The following SCAMP1 variants were observed in gnomAD, a reference collection of about 807,000 sequenced individuals.
SCAMP1 encodes the protein secretory carrier-associated membrane protein 1.
SCAMP1 carries 15 observed loss-of-function variants against 41.8 expected under a neutral mutation model. The ratio of observed to expected loss-of-function variants is 0.36; its 90% CI spans 0.24 to 0.55. The LOEUF (loss-of-function observed/expected upper bound fraction) is 0.55, where lower values mean the gene tolerates loss of function less well. Among genes scored for constraint, SCAMP1 ranks in the 20% least tolerant of loss-of-function variants. SCAMP1 has a pLI of 0.86. For missense variants in SCAMP1, 341 were observed against 412.6 expected, an observed-to-expected ratio of 0.83 and a Z score of 1.50; for synonymous variants, 135 against 136.8, an observed-to-expected ratio of 0.99 and a Z score of 0.09.
intron 1 of SCAMP1, among the ~76,000 whole-genome samples, chr5:78,371,301 T>G (rs919523612): frequency 6.6e-6 from 1 of 152,198 alleles, no homozygotes; most frequent in Admixed American, 6.5e-5. Context: ...AGCTGTTGAA[T>G]TTAGGTCTAT....
In SCAMP1 at chr5:78,415,481, C is replaced by T. The variant is rs769981425; in HGVS notation, c.136-39C>T. 1.3e-5 allele frequency: 16 copies of T among 1,236,018 alleles called. No individual in the cohort carries two copies. The South Asian group carries it at 1.9e-4, about 15-fold the overall frequency. The allele number at this position is 1,236,018 out of a possible 1,614,324, so 76.6% of individuals were successfully genotyped here. A position where few individuals can be genotyped will look rare whatever the true frequency, so the allele number is the denominator to read the frequency against. On this transcript the variant is annotated intron_variant, in intron 2 of 8. Coordinates refer to ENST00000621999, the MANE Select transcript of SCAMP1 (RefSeq NM_004866.6). ...TTTTTGAAAGAAGTTAAAGTTGGAT[C>T]TCTGTGTTACATAATTTTCCTTCTC...
At chr5:78,388,472 A>G (rs1254250606) in intron 1 of SCAMP1, among the ~76,000 whole-genome samples, 1 of 152,210 alleles carries the variant, frequency 6.6e-6, no homozygotes, top group Non-Finnish European at 1.5e-5. Flanking sequence ...AGCTGTTATA[A>G]AAAGGGGGAA....
chr5:78,361,485 G>A (rs1179687976), intron 1 of SCAMP1, among the ~76,000 whole-genome samples: 3 of 152,326 alleles, frequency 2.0e-5, no homozygotes, highest in Admixed American at 1.3e-4. Flanking sequence ...TCTGGGCTAT[G>A]TGAGGATACC....
chr5:78,412,200 G>A (rs1164718059), intron 2 of SCAMP1, among the ~76,000 whole-genome samples: 1 of 151,840 alleles, frequency 6.6e-6, no homozygotes, highest in Non-Finnish European at 1.5e-5. Flanking sequence ...GATTATGAAT[G>A]CTTTATATCA....
At chr5:78,426,125 C>T (rs1206948474) in intron 6 of SCAMP1, among the ~76,000 whole-genome samples, 1 of 152,172 alleles carries the variant, frequency 6.6e-6, no homozygotes, top group African/African-American at 2.4e-5. Flanking sequence ...GACATGAACT[C>T]ATTTCTTTTT....
chr5:78,431,609 C>G (rs565853760), intron 6 of SCAMP1, among the ~76,000 whole-genome samples: 1 of 116,284 alleles, frequency 8.6e-6, no homozygotes, highest in African/African-American at 3.4e-5. Context: ...TTATTTATAT[C>G]TCTTAAAACT....
intron 2 of SCAMP1, among the ~76,000 whole-genome samples, chr5:78,391,697 C>T (rs201577780): frequency 3.3e-5 from 5 of 152,158 alleles, no homozygotes; most frequent in African/African-American, 4.8e-5. Flanking sequence ...ATCACGCCAC[C>T]GCACTCCAGC....
chr5:78,435,424 G>A (rs376498399), intron 6 of SCAMP1, among the ~76,000 whole-genome samples: 6 of 152,068 alleles, frequency 3.9e-5, no homozygotes, highest in African/African-American at 7.2e-5. Flanking sequence ...CCCGCCCTGC[G>A]TCCAAGGGTT....
chr5:78,397,377 TAGA>T (rs1751678817), intron 2 of SCAMP1, among the ~76,000 whole-genome samples: 1 of 152,156 alleles, frequency 6.6e-6, no homozygotes, highest in Admixed American at 6.5e-5. Flanking sequence ...ATACAACTCT[TAGA>T]AGAAGACATA....
At chr5:78,375,278 A>C (rs1249637745) in intron 1 of SCAMP1, among the ~76,000 whole-genome samples, 1 of 152,118 alleles carries the variant, frequency 6.6e-6, no homozygotes, top group Non-Finnish European at 1.5e-5. Context: ...TTTGAACATA[A>C]ATTTCTTTAT....
rs1754081126 is a variant in SCAMP1, at chr5:78,479,434, T to C, written c.*3766T>C. On this transcript the variant is annotated 3_prime_UTR_variant, in exon 9 of 9. Transcript: ENST00000621999. ...TTTTTTATTGAGCTAAAAAGTTTTA[T>C]CTCACATATTAAGTATTACAGAAAG... Among the ~76,000 whole-genome samples, 1 of 152,242 alleles carries C rather than the reference T, an allele frequency of 6.6e-6. No individual in the cohort carries two copies. The highest frequency in any genetic ancestry group is 6.5e-5 in the Admixed American group (1 of 15,282).
intron 1 of SCAMP1, 67 bp downstream of exon 1, chr5:78,360,795 C>T: frequency 6.8e-7 from 1 of 1,474,572 alleles, no homozygotes; most frequent in Non-Finnish European, 9.3e-7. Flanking sequence ...GGACGAGTTC[C>T]TTCGCGCCCA....
chr5:78,404,706 T>C (rs1182732679), intron 2 of SCAMP1, among the ~76,000 whole-genome samples: 9 of 152,176 alleles, frequency 5.9e-5, no homozygotes, highest in Non-Finnish European at 8.8e-5. Context: ...AGTTAGGCTC[T>C]GATAAGCCCC....
intron 2 of SCAMP1, among the ~76,000 whole-genome samples, chr5:78,408,261 G>T (rs6453385): frequency 6.6e-6 from 1 of 152,094 alleles, no homozygotes; most frequent in Non-Finnish European, 1.5e-5. Context: ...TGTAGGGGAA[G>T]TCCCCTTTAT....
In SCAMP1 at chr5:78,367,706, A is replaced by G. The variant is rs555053256; in HGVS notation, c.57+6978A>G. Among the ~76,000 whole-genome samples the G allele has an allele frequency of 2.6e-5, 4 of 152,350 alleles. No individual in the cohort carries two copies. The South Asian group carries it at 8.3e-4, about 32-fold the overall frequency. On this transcript the variant is annotated intron_variant, in intron 1 of 8. Transcript: ENST00000621999. ...AGACCTATGATCTGAAGATACACCT[A>G]GTATAAAATGGCGAGGTAGTCGTAG...
At chr5:78,381,061 C>T (rs913225478) in intron 1 of SCAMP1, among the ~76,000 whole-genome samples, 4 of 139,948 alleles carry the variant, frequency 2.9e-5, no homozygotes, top group Admixed American at 2.1e-4. Context: ...AGCAAGACTC[C>T]GTCTCAAAAA....
rs2112264226 is a variant in SCAMP1 at position 78,477,444 on chromosome 5, T to TA, written c.*1777dup. On this transcript the variant is annotated 3_prime_UTR_variant, in exon 9 of 9. Transcript: ENST00000621999. Reference sequence around the variant, plus strand: ...AGAGCCTGTAGTCTTATTGGAAATCTATTTTATCAGTGTGCTTTATTGAGT... The same window carrying TA: ...AGAGCCTGTAGTCTTATTGGAAATCTAATTTTATCAGTGTGCTTTATTGAGT... The TA allele has an allele frequency of 6.6e-6, 1 of 152,298 alleles. No individual in the cohort carries two copies. 9.4% of individuals were successfully genotyped at this position (152,298 alleles called of 1,614,324 possible). A position where few individuals can be genotyped will look rare whatever the true frequency, so the allele number is the denominator to read the frequency against.
intron 1 of SCAMP1, chr5:78,360,959 A>T (rs1750629758): frequency 1.9e-6 from 1 of 522,020 alleles, no homozygotes; most frequent in African/African-American, 2.0e-5. Context: ...GCCCTTCCAC[A>T]CGTCCCCGAC....
chr5:78,415,340 G>A (rs1455492979), intron 2 of SCAMP1, among the ~76,000 whole-genome samples, 180 bp from the exon 3 acceptor site: 1 of 152,192 alleles, frequency 6.6e-6, no homozygotes, highest in African/African-American at 2.4e-5. Context: ...AAATGAATGA[G>A]TTGGAGAAAA....
Sources: allele counts gnomAD v4.1 joint callset (sites outside exome capture counted in the v4.1 genomes callset), GRCh38; gene constraint gnomAD v4.1.1; transcripts MANE v1.5; gene names NCBI Gene and HGNC (gene_info 2026-07-23, HGNC 2026-07-21).